SPAST: variants seen among roughly 807,000 people sequenced by gnomAD.
SPAST encodes spastic paraplegia 4 (autosomal dominant; spastin).
SPAST carries 30 observed loss-of-function variants against 76.6 expected under a neutral mutation model. The ratio of observed to expected loss-of-function variants is 0.39; its 90% CI spans 0.29 to 0.53. The LOEUF is 0.53. Ranked by LOEUF, SPAST falls within the 20% of genes least tolerant of loss-of-function variation. SPAST has a pLI of 0.68. For synonymous variants in SPAST, 305 were observed against 281.0 expected, an observed-to-expected ratio of 1.09 and a Z score of -0.86; for missense variants, 717 against 770.5, an observed-to-expected ratio of 0.93 and a Z score of 0.82.
intron 4 of SPAST, among the ~76,000 whole-genome samples, chr2:32,100,706 C>T (rs541437581): frequency 2.0e-5 from 3 of 152,094 alleles, no homozygotes; most frequent in South Asian, 2.1e-4. Flanking sequence ...TGAGAACATA[C>T]GGTGTTTGGT....
intron 16 of SPAST, among the ~76,000 whole-genome samples, chr2:32,152,736 G>T (rs1680129273): frequency 6.6e-6 from 1 of 151,360 alleles, no homozygotes; most frequent in South Asian, 2.1e-4. Context: ...TTTGGTGGGG[G>T]GTTGCTGGGT....
chr2:32,115,747 A>G lies in SPAST; in HGVS notation c.916A>G (p.Thr306Ala). The G allele has an allele frequency of 6.2e-7, 1 of 1,611,408 alleles. No homozygotes were observed. The highest frequency in any genetic ancestry group is 1.1e-5 in the South Asian group (1 of 90,938). Residue 306 changes from threonine (T) to alanine (A), a missense_variant, in exon 6 of 17, where the codon ACT becomes GCT. By Grantham distance (58) the Thr-to-Ala change is moderately conservative. This residue lies in a region of SPAST where 543 missense variants were observed against 445.2 expected (regional missense o/e 1.22). Coordinates refer to ENST00000315285, the MANE Select transcript of SPAST (RefSeq NM_014946.4). Reference sequence around the variant, plus strand: ...GACAAATAAACCTTCTACCCCTACAACTGCTACTCGTAAGAAAAAAGACTT... The same window carrying G: ...GACAAATAAACCTTCTACCCCTACAGCTGCTACTCGTAAGAAAAAAGACTT... ...NRTNKPSTPT[T>A]ATRKKKDLKN...
intron 1 of SPAST, among the ~76,000 whole-genome samples, chr2:32,075,398 C>T (rs1292614370): frequency 1.5e-5 from 2 of 135,360 alleles, no homozygotes; most frequent in African/African-American, 2.8e-5. Flanking sequence ...TGCACCCCAG[C>T]CTGGGCCACA....
intron 9 of SPAST, chr2:32,129,098 A>T (rs1020817825): frequency 6.5e-6 from 1 of 153,196 alleles, no homozygotes; most frequent in East Asian, 1.9e-4. Context: ...TCAACCCATT[A>T]ACAAATACTA....
At chr2:32,083,669 AT>A (rs1677327141) in intron 1 of SPAST, among the ~76,000 whole-genome samples, 1 of 140,360 alleles carries the variant, frequency 7.1e-6, no homozygotes, top group East Asian at 2.0e-4. Flanking sequence ...ATATATATAT[AT>A]ATATATTTTT....
intron 1 of SPAST, among the ~76,000 whole-genome samples, chr2:32,065,471 G>A (rs1013238741): frequency 7.2e-5 from 11 of 151,980 alleles, no homozygotes; most frequent in Admixed American, 5.2e-4. Flanking sequence ...AGGTATTATT[G>A]GTATCAGCAT....
intron 13 of SPAST, among the ~76,000 whole-genome samples, chr2:32,142,632 G>A (rs1679756276): frequency 6.6e-6 from 1 of 151,922 alleles, no homozygotes; most frequent in African/African-American, 2.4e-5. Flanking sequence ...CCAGGATGGT[G>A]TGATCCGCCC....
At chr2:32,109,334 C>G (rs1217302118) in intron 4 of SPAST, among the ~76,000 whole-genome samples, 2 of 151,766 alleles carry the variant, frequency 1.3e-5, no homozygotes, top group African/African-American at 4.8e-5. Context: ...GTCTCGAACT[C>G]CTGACTTCAG....
intron 1 of SPAST, among the ~76,000 whole-genome samples, chr2:32,077,373 C>A (rs1677006455): frequency 6.6e-6 from 1 of 152,092 alleles, no homozygotes; most frequent in Non-Finnish European, 1.5e-5. Context: ...ACTGTGCACA[C>A]AGTTCAGGAG....
At chr2:32,138,009 G>A (rs139411445) in intron 12 of SPAST, among the ~76,000 whole-genome samples, 18 of 152,218 alleles carry the variant, frequency 1.2e-4, no homozygotes, top group East Asian at 1.9e-4. Context: ...TTATGGCTGC[G>A]TAGTACATAG....
At chr2:32,090,631 T>A (rs1366442561) in intron 3 of SPAST, among the ~76,000 whole-genome samples, 1 of 152,232 alleles carries the variant, frequency 6.6e-6, no homozygotes, top group African/African-American at 2.4e-5. Flanking sequence ...TGTATCAGGA[T>A]CTTAAAAAGA....
rs115099539 is a variant in SPAST, at chr2:32,113,380, C to T, written c.683-1258C>T. On this transcript the variant is annotated intron_variant, in intron 4 of 16. Transcript: ENST00000315285. ...GATTACAGGCGTGAGCTACTGCACC[C>T]GGCCTAAAATTGATTAGTTTTTAAG... 5.9e-3 allele frequency among the ~76,000 whole-genome samples: 897 copies of T among 151,648 alleles called. 11 individuals carry two copies. Among genetic ancestry groups the T allele is most frequent in the African/African-American group, 0.02 (837 of 41,344 alleles).
At chr2:32,066,994 C>CAA (rs1553395256) in intron 1 of SPAST, among the ~76,000 whole-genome samples, 6 of 47,102 alleles carry the variant, frequency 1.3e-4, no homozygotes, top group South Asian at 2.1e-3. Flanking sequence ...AAAAAAAAAC[C>CAA]AAAAAAAAAA....
intron 4 of SPAST, among the ~76,000 whole-genome samples, chr2:32,102,185 C>G (rs1229016488): frequency 6.6e-6 from 1 of 152,094 alleles, no homozygotes; most frequent in Non-Finnish European, 1.5e-5. Context: ...TGAAGAGGTC[C>G]TTCACATCCC....
intron 2 of SPAST, 116 bp downstream of exon 2, chr2:32,087,694 C>CTTTTTTTTTTTTTTTTTTTTTTTTTTT (rs770566493): frequency 5.7e-6 from 1 of 176,306 alleles, no homozygotes; most frequent in Non-Finnish European, 9.9e-6. Flanking sequence ...CTTTTCTTTT[C>CTTTTTTTTTTTTTTTTTTTTTTTTTTT]TTTTTTTTTT....
At chr2:32,110,782 ATATATAG>A in intron 4 of SPAST, among the ~76,000 whole-genome samples, 2 of 140,702 alleles carry the variant, frequency 1.4e-5, no homozygotes, top group East Asian at 2.1e-4. Context: ...ATAGTATACT[ATATATAG>A]TATAGTATAC....
intron 1 of SPAST, among the ~76,000 whole-genome samples, chr2:32,086,899 T>C (rs896015051): frequency 6.6e-6 from 1 of 152,250 alleles, no homozygotes; most frequent in Non-Finnish European, 1.5e-5. Context: ...CTACATACTT[T>C]TTGATTATGC....
intron 12 of SPAST, among the ~76,000 whole-genome samples, chr2:32,139,961 A>C (rs1277875767): frequency 2.0e-5 from 3 of 152,204 alleles, no homozygotes; most frequent in African/African-American, 7.2e-5. Flanking sequence ...AGGTGACACA[A>C]ATAAATGGAA....
intron 1 of SPAST, 29 bp downstream of exon 1, chr2:32,064,275 C>T: frequency 5.0e-6 from 3 of 596,270 alleles, no homozygotes; most frequent in South Asian, 3.1e-5. Flanking sequence ...GAGGGGGCGG[C>T]GGCGCCGGGA....
Sources: allele counts gnomAD v4.1 joint callset (sites outside exome capture counted in the v4.1 genomes callset), GRCh38; gene constraint gnomAD v4.1.1; regional missense constraint gnomAD v4.1.1; transcripts MANE v1.5; gene names NCBI Gene and HGNC (gene_info 2026-07-23, HGNC 2026-07-21).